Variants in CDKL3 observed in about 807,000 individuals in gnomAD.
The protein encoded by CDKL3 is cyclin dependent kinase like 3.
Under a neutral mutation model 69.3 loss-of-function variants are expected in CDKL3, and 65 were observed. That is an observed-to-expected ratio of 0.94 (90% CI 0.77 to 1.15). The LOEUF is 1.15. CDKL3 is among the 50% of genes most tolerant of loss of function. The pLI, the probability that CDKL3 is intolerant of heterozygous loss-of-function variation, is 0.00. For synonymous variants in CDKL3, 202 were observed against 221.6 expected (o/e 0.91, Z 0.79); for missense variants, 652 against 689.2 (o/e 0.95, Z 0.61).
chr5:134,293,666 G>A (rs559867637), downstream of CDKL3, among the ~76,000 whole-genome samples: 23 of 151,948 alleles, frequency 1.5e-4, no homozygotes, highest in South Asian at 8.3e-4. Flanking sequence ...TGGATATGGC[G>A]GTGTACACCT....
chr5:134,362,345 C>T (rs536362808), intron 2 of CDKL3, among the ~76,000 whole-genome samples: 20 of 152,240 alleles, frequency 1.3e-4, no homozygotes, highest in African/African-American at 4.6e-4. Context: ...CATGGAGAAA[C>T]GCTGTCTCTA....
intron 12 of CDKL3, 149 bp downstream of exon 12, chr5:134,302,441 T>C (rs1444773109): frequency 8.4e-6 from 5 of 597,940 alleles, no homozygotes; most frequent in African/African-American, 1.9e-5. Flanking sequence ...TGGGTTATTC[T>C]AGGAAAATAT....
At chr5:134,332,568 T>C (rs1016204501) in intron 4 of CDKL3, among the ~76,000 whole-genome samples, 2 of 152,224 alleles carry the variant, frequency 1.3e-5, no homozygotes, top group Admixed American at 6.5e-5. Context: ...CCCCATTCCT[T>C]GTTTTTGTCA....
chr5:134,284,901 G>A (rs187151450), downstream of CDKL3, among the ~76,000 whole-genome samples: 2 of 152,178 alleles, frequency 1.3e-5, no homozygotes, highest in African/African-American at 4.8e-5. Context: ...ATTTCATATT[G>A]TTCAAACACA....
chr5:134,356,294 G>T (rs1161866883), intron 3 of CDKL3, among the ~76,000 whole-genome samples: 1 of 152,200 alleles, frequency 6.6e-6, no homozygotes, highest in African/African-American at 2.4e-5. Context: ...CAGAGCTCAG[G>T]TGGTAATGCG....
chr5:134,293,023 T>C (rs1580754222), intron 8 of CDKL3, among the ~76,000 whole-genome samples: 1 of 118,266 alleles, frequency 8.5e-6, no homozygotes, highest in African/African-American at 3.6e-5. Flanking sequence ...TTTTTTTTTT[T>C]TTTTTTTTTT....
chr5:134,336,151 G>A (rs926248622), intron 4 of CDKL3, among the ~76,000 whole-genome samples: 12 of 151,926 alleles, frequency 7.9e-5, no homozygotes, highest in Non-Finnish European at 1.2e-4. Flanking sequence ...GAAGTTTTTC[G>A]TACTGTGGTT....
chr5:134,323,185 A>G (rs60564988), intron 4 of CDKL3, among the ~76,000 whole-genome samples: 3,327 of 152,302 alleles, frequency 0.022, 75 homozygotes, highest in African/African-American at 0.056. Flanking sequence ...GAGTCAATAC[A>G]ATCCCAGACA....
At chr5:134,331,476 C>T (rs1431622785) in intron 4 of CDKL3, among the ~76,000 whole-genome samples, 1 of 152,092 alleles carries the variant, frequency 6.6e-6, no homozygotes, top group Non-Finnish European at 1.5e-5. Flanking sequence ...CACCAACAGG[C>T]CCCAGTGTGT....
intron 3 of CDKL3, among the ~76,000 whole-genome samples, chr5:134,358,675 G>C (rs1755230741): frequency 6.6e-6 from 1 of 151,990 alleles, no homozygotes; most frequent in Non-Finnish European, 1.5e-5. Flanking sequence ...TGCAATCATA[G>C]CTTACTGCAG....
At chr5:134,285,145 G>A (rs1365762032), downstream of CDKL3, among the ~76,000 whole-genome samples, 1 of 152,200 alleles carries the variant, frequency 6.6e-6, no homozygotes, top group Admixed American at 6.5e-5. Context: ...TAACAAGTGA[G>A]TCTACCATTC....
chr5:134,330,015 A>G (rs948714387), intron 4 of CDKL3, among the ~76,000 whole-genome samples: 2 of 151,454 alleles, frequency 1.3e-5, no homozygotes, highest in Non-Finnish European at 2.9e-5. Context: ...GTCTCAAAAA[A>G]AAAAAATTAA....
rs11414446 is a variant in CDKL3 at position 134,306,750 on chromosome 5, CTTTTTT to C, written c.1365-54_1365-49del. 396 of 227,620 alleles carry C rather than the reference CTTTTTT, an allele frequency of 1.7e-3. 1 individual carries two copies. The highest frequency in any genetic ancestry group is 0.016 in the African/African-American group (317 of 20,082). The allele number at this position is 227,620 out of a possible 1,614,324, so 14.1% of individuals were successfully genotyped here. A position where few individuals can be genotyped will look rare whatever the true frequency, so the allele number is the denominator to read the frequency against. ...AAGTTACTAAAACTCCCCAGAAATG[CTTTTTT>C]TTTTTTTTTTTTTTTTTTGGCAGAT... is the stretch of plus-strand genomic sequence containing the variant. On this transcript the variant is annotated intron_variant, in intron 9 of 12. Coordinates refer to ENST00000265334, the MANE Select transcript of CDKL3 (RefSeq NM_001113575.2).
chr5:134,348,992 A>G lies in CDKL3; in HGVS notation c.539+1257T>C, dbSNP rs1163622487. On this transcript the variant is annotated intron_variant, in intron 4 of 12. Coordinates refer to ENST00000265334, the MANE Select transcript of CDKL3 (RefSeq NM_001113575.2). ...AGGTACCCAGGGGAATGGATTGTGA[A>G]TCCTGACCACCTGGGTTAGAATCCT... Among the ~76,000 whole-genome samples, 3 of 152,168 alleles carry G rather than the reference A, an allele frequency of 2.0e-5. No individual in the cohort carries two copies. In the East Asian group the frequency reaches 5.8e-4, roughly 29 times the overall value.
intron 3 of CDKL3, among the ~76,000 whole-genome samples, chr5:134,350,852 AG>A (rs1293711142): frequency 1.3e-5 from 2 of 151,502 alleles, no homozygotes; most frequent in African/African-American, 4.8e-5. Context: ...AAAGAAAAAA[AG>A]AAAGAAAAAA....
At chr5:134,328,242 G>A (rs1269607353) in intron 4 of CDKL3, among the ~76,000 whole-genome samples, 4 of 151,934 alleles carry the variant, frequency 2.6e-5, no homozygotes, top group Admixed American at 6.6e-5. Flanking sequence ...TATGTTCACA[G>A]AACTAAAGGA....
chr5:134,308,065 T>A (rs999248816), intron 9 of CDKL3, 73 bp downstream of exon 9: 2 of 1,491,170 alleles, frequency 1.3e-6, no homozygotes, highest in Non-Finnish European at 1.8e-6. Flanking sequence ...ACAGACACTA[T>A]GAACACGATT....
At chr5:134,337,649 G>A (rs1231932516) in intron 4 of CDKL3, among the ~76,000 whole-genome samples, 1 of 152,114 alleles carries the variant, frequency 6.6e-6, no homozygotes, top group Admixed American at 6.5e-5. Flanking sequence ...GGAATTTGAG[G>A]CTAGCTTTGC....
intron 3 of CDKL3, among the ~76,000 whole-genome samples, chr5:134,350,958 T>A (rs1753157991): frequency 6.6e-6 from 1 of 152,104 alleles, no homozygotes; most frequent in African/African-American, 2.4e-5. Flanking sequence ...CAGCTAAACC[T>A]CTTGAGACAT....
Sources: gnomAD v4.1 joint callset for allele counts (sites outside exome capture counted in the v4.1 genomes callset) on GRCh38, gnomAD v4.1.1 for gene constraint, MANE v1.5 for transcripts, NCBI Gene and HGNC (gene_info 2026-07-23, HGNC 2026-07-21) for gene names.